SV2C: variants seen among roughly 807,000 people sequenced by gnomAD.
SV2C encodes synaptic vesicle glycoprotein 2C.
A neutral mutation model predicts 79.7 loss-of-function variants in SV2C; 49 were observed. The observed-to-expected ratio is 0.61, with a 90% CI of 0.49 to 0.78. SV2C has a LOEUF of 0.78. Among genes scored for constraint, SV2C ranks in the 30% least tolerant of loss-of-function variants. The pLI is 0.00. For missense variants in SV2C, 833 were observed against 912.9 expected (o/e 0.91, Z 1.13); for synonymous variants, 334 against 333.2 (o/e 1.00, Z -0.03).
chr5:76,165,895 AGT>A, intron 2 of SV2C, among the ~76,000 whole-genome samples: 2 of 152,268 alleles, frequency 1.3e-5, no homozygotes, highest in East Asian at 3.9e-4. Context: ...TGAGATTGAG[AGT>A]GAGAGAGGTG....
At chr5:75,918,679 C>G in the SV2C span, among the ~76,000 whole-genome samples, 1 of 152,090 alleles carries the variant, frequency 6.6e-6, no homozygotes, top group African/African-American at 2.4e-5. Flanking sequence ...TTAATCAAAA[C>G]AAAAAGGACT....
At chr5:76,159,202 T>TTC (rs1350766968) in intron 2 of SV2C, among the ~76,000 whole-genome samples, 1 of 152,202 alleles carries the variant, frequency 6.6e-6, no homozygotes, top group East Asian at 1.9e-4. Flanking sequence ...TGGATACTTT[T>TTC]TCTCTAAGAT....
At chr5:76,092,016 G>C (rs980097480) in intron 1 of SV2C, among the ~76,000 whole-genome samples, 5 of 152,086 alleles carry the variant, frequency 3.3e-5, no homozygotes, top group African/African-American at 4.8e-5. Flanking sequence ...TGGTAAAATG[G>C]AAATATTTTG....
the SV2C span, among the ~76,000 whole-genome samples, chr5:76,011,276 A>G: frequency 6.6e-6 from 1 of 152,136 alleles, no homozygotes; most frequent in East Asian, 1.9e-4. Flanking sequence ...CGATTTATCT[A>G]CTGCTTGCTA....
intron 2 of SV2C, among the ~76,000 whole-genome samples, chr5:76,183,011 C>T (rs1329128206): frequency 2.0e-5 from 3 of 146,682 alleles, no homozygotes; most frequent in African/African-American, 7.6e-5. Context: ...TAAATGACCA[C>T]ATCTCATGAG....
At chr5:76,215,844 A>G (rs758102991) in intron 4 of SV2C, among the ~76,000 whole-genome samples, 7 of 152,030 alleles carry the variant, frequency 4.6e-5, no homozygotes, top group Non-Finnish European at 1.0e-4. Context: ...ATTTCAAATG[A>G]TAAATAACAC....
intron 12 of SV2C, among the ~76,000 whole-genome samples, chr5:76,344,541 T>G (rs1054232745): frequency 3.9e-5 from 6 of 152,146 alleles, no homozygotes; most frequent in Non-Finnish European, 8.8e-5. Context: ...AAATCCCATC[T>G]CTACTAAAAG....
the SV2C span, among the ~76,000 whole-genome samples, chr5:75,886,432 C>G: frequency 6.6e-6 from 1 of 152,162 alleles, no homozygotes; most frequent in Non-Finnish European, 1.5e-5. Context: ...GTCTGTTTCT[C>G]TGACCCTGCC....
At chr5:76,105,022 A>G (rs1298066234) in intron 1 of SV2C, among the ~76,000 whole-genome samples, 1 of 152,194 alleles carries the variant, frequency 6.6e-6, no homozygotes, top group Admixed American at 6.5e-5. Context: ...TTAGAATGTG[A>G]TATCATTTGG....
At chr5:76,174,108 C>G (rs1418140278) in intron 2 of SV2C, 2 of 1,597,178 alleles carry the variant, frequency 1.3e-6, no homozygotes, top group Admixed American at 1.7e-5. Context: ...ACAAAAATTC[C>G]TTGAACAAAT....
intron 2 of SV2C, among the ~76,000 whole-genome samples, chr5:76,161,838 G>A (rs1406659429): frequency 3.3e-5 from 5 of 152,192 alleles, no homozygotes; most frequent in Non-Finnish European, 5.9e-5. Flanking sequence ...TGCTTGTGTT[G>A]TAAAGTTAGG....
intron 2 of SV2C, among the ~76,000 whole-genome samples, chr5:76,187,776 G>A (rs1743967464): frequency 6.6e-6 from 1 of 151,694 alleles, no homozygotes; most frequent in Non-Finnish European, 1.5e-5. Context: ...TATGTCTTAG[G>A]GATTTAGAAA....
the SV2C span, among the ~76,000 whole-genome samples, chr5:75,853,469 T>C: frequency 1.1e-3 from 158 of 143,306 alleles, 1 homozygote; most frequent in African/African-American, 4.0e-3. Context: ...GGCAGGAGAA[T>C]GGTGTGAACC....
chr5:76,192,205 T>C (rs917645543), intron 2 of SV2C, among the ~76,000 whole-genome samples: 1 of 152,212 alleles, frequency 6.6e-6, no homozygotes, highest in African/African-American at 2.4e-5. Context: ...CACAGATTAC[T>C]TGGGGGTCTT....
chr5:76,232,073 A>G (rs1375304051), intron 4 of SV2C, among the ~76,000 whole-genome samples: 1 of 148,204 alleles, frequency 6.7e-6, no homozygotes, highest in African/African-American at 2.7e-5. Flanking sequence ...AAGTGTTCCT[A>G]TTTCTCCACA....
chr5:75,885,076 C>A, the SV2C span, among the ~76,000 whole-genome samples: 1 of 152,072 alleles, frequency 6.6e-6, no homozygotes, highest in Non-Finnish European at 1.5e-5. Context: ...TAAGCTGTGA[C>A]ACATACAAGA....
At chr5:76,189,036 G>C (rs532301604) in intron 2 of SV2C, among the ~76,000 whole-genome samples, 1 of 152,038 alleles carries the variant, frequency 6.6e-6, no homozygotes, top group Non-Finnish European at 1.5e-5. Context: ...GAAAGGAAAG[G>C]CTGGGCCAAC....
the SV2C span, among the ~76,000 whole-genome samples, chr5:76,018,931 C>A: frequency 6.6e-6 from 1 of 152,126 alleles, no homozygotes; most frequent in East Asian, 1.9e-4. Context: ...AAAACGTAAC[C>A]TGAAATGGGA....
the SV2C span, among the ~76,000 whole-genome samples, chr5:75,960,153 G>T: frequency 4.5e-3 from 678 of 152,018 alleles, 7 homozygotes; most frequent in African/African-American, 0.015. Flanking sequence ...AAAAATCCTA[G>T]AAACTCAGAG....
Sources: allele counts gnomAD v4.1 joint callset (sites outside exome capture counted in the v4.1 genomes callset), GRCh38; gene constraint gnomAD v4.1.1; transcripts MANE v1.5; gene names NCBI Gene and HGNC (gene_info 2026-07-23, HGNC 2026-07-21).